Variants in OSBPL10 observed in about 807,000 individuals in gnomAD.
OSBPL10 encodes the protein oxysterol binding protein like 10, also known as oxysterol-binding protein-related protein 10.
Under a neutral mutation model 81.7 loss-of-function variants are expected in OSBPL10, and 49 were observed. The ratio of observed to expected loss-of-function variants is 0.60; its 90% CI spans 0.48 to 0.76. The LOEUF (loss-of-function observed/expected upper bound fraction) is 0.76. Ranked by LOEUF, OSBPL10 falls within the 30% of genes least tolerant of loss-of-function variation. OSBPL10 has a pLI of 0.00. For synonymous variants in OSBPL10, 419 were observed against 383.6 expected (o/e 1.09, Z -1.08); for missense variants, 923 against 987.8 (o/e 0.93, Z 0.88).
chr3:31,864,096 C>A (rs561340564), intron 3 of OSBPL10, among the ~76,000 whole-genome samples: 1 of 152,230 alleles, frequency 6.6e-6, no homozygotes, highest in African/African-American at 2.4e-5. Flanking sequence ...CCCAGGCCTC[C>A]GAGGACACAC....
At chr3:32,016,508 A>T (rs1699313978) in intron 2 of OSBPL10, among the ~76,000 whole-genome samples, 1 of 152,210 alleles carries the variant, frequency 6.6e-6, no homozygotes, top group Admixed American at 6.5e-5. Flanking sequence ...CGACAAGTTA[A>T]TGGGTGCAGC....
At chr3:32,020,761 A>G (rs1699357172) in intron 2 of OSBPL10, among the ~76,000 whole-genome samples, 1 of 152,160 alleles carries the variant, frequency 6.6e-6, no homozygotes. Flanking sequence ...CGGGTAAGCA[A>G]GAGAGCCACC....
intron 1 of OSBPL10, among the ~76,000 whole-genome samples, chr3:31,974,289 C>T (rs981000787): frequency 6.6e-6 from 1 of 152,294 alleles, no homozygotes. Flanking sequence ...ACACACAGAA[C>T]TCTCTCTACA....
intron 3 of OSBPL10, among the ~76,000 whole-genome samples, chr3:31,837,189 A>G (rs1026819590): frequency 2.6e-5 from 4 of 152,012 alleles, no homozygotes; most frequent in South Asian, 2.1e-4. Flanking sequence ...AGGAAAGCTG[A>G]TAACTGTTAC....
chr3:31,904,132 G>A (rs1176251675), intron 1 of OSBPL10, among the ~76,000 whole-genome samples: 3 of 152,226 alleles, frequency 2.0e-5, no homozygotes, highest in Non-Finnish European at 2.9e-5. Context: ...ACTCTGGACA[G>A]CTGGCTCCCT....
intron 3 of OSBPL10, among the ~76,000 whole-genome samples, chr3:31,864,609 C>T (rs112242895): frequency 0.03 from 4,578 of 151,934 alleles, 209 homozygotes; most frequent in African/African-American, 0.096. Flanking sequence ...AAGGCATTCC[C>T]AGCAAAGGAA....
At chr3:31,920,775 T>A (rs988491018) in intron 1 of OSBPL10, among the ~76,000 whole-genome samples, 31 of 152,136 alleles carry the variant, frequency 2.0e-4, no homozygotes, top group African/African-American at 7.2e-4. Context: ...GAGTTTTCAC[T>A]CTATTTATTA....
intron 6 of OSBPL10, among the ~76,000 whole-genome samples, chr3:31,705,981 T>C (rs991966994): frequency 9.9e-5 from 15 of 152,220 alleles, no homozygotes; most frequent in Middle Eastern, 3.4e-3. Flanking sequence ...GCCACAAAAA[T>C]GTATGCAAAC....
rs1396731277 is a variant in OSBPL10, at chr3:31,755,430, C to A, written c.730-7310G>T. ...AATCTTTTTGGTAATAGAATCTATTCTCCCTTTCAGGAAATTGGCAGAAGA... is the reference window on the plus strand; with the variant it reads ...AATCTTTTTGGTAATAGAATCTATTATCCCTTTCAGGAAATTGGCAGAAGA... On this transcript the variant is annotated intron_variant, in intron 4 of 11. Transcript: ENST00000396556. 2.0e-5 allele frequency among the ~76,000 whole-genome samples: 3 copies of A among 152,328 alleles called. No individual in the cohort carries two copies. The East Asian group carries it at 5.8e-4, about 29-fold the overall frequency.
At chr3:31,666,523 G>A (rs1457433593) in intron 10 of OSBPL10, among the ~76,000 whole-genome samples, 2 of 152,150 alleles carry the variant, frequency 1.3e-5, no homozygotes. Flanking sequence ...GAACACAGGT[G>A]CTCTGAGCAG....
At chr3:31,838,159 C>T (rs1700405433) in intron 3 of OSBPL10, among the ~76,000 whole-genome samples, 1 of 152,156 alleles carries the variant, frequency 6.6e-6, no homozygotes, top group Non-Finnish European at 1.5e-5. Context: ...CATACAAACA[C>T]ATACATATAT....
At chr3:31,982,638 C>A (rs911845558), upstream of OSBPL10, among the ~76,000 whole-genome samples, 12 of 145,142 alleles carry the variant, frequency 8.3e-5, no homozygotes, top group African/African-American at 3.0e-4. Flanking sequence ...ATTCCAGGTG[C>A]CTACATAGTG....
At chr3:31,774,260 G>A (rs1177836281) in intron 4 of OSBPL10, among the ~76,000 whole-genome samples, 1 of 152,156 alleles carries the variant, frequency 6.6e-6, no homozygotes, top group Non-Finnish European at 1.5e-5. Flanking sequence ...TTGTTAGAGG[G>A]AGAGTGTGAG....
At position 31,863,832 on chromosome 3, in the gene OSBPL10, A is replaced by G. The variant is rs1701113334; in HGVS notation, c.537+12601T>C. ...TATACTTGATCAAATACAAAACAAT[A>G]ATATTTAGAAAAATAAAATGTGGTA... On this transcript the variant is annotated intron_variant, in intron 3 of 11. Transcript: ENST00000396556. 3.3e-5 allele frequency among the ~76,000 whole-genome samples: 5 copies of G among 152,238 alleles called. 1 individual carries two copies. The South Asian group carries it at 1.0e-3, about 32-fold the overall frequency.
chr3:31,902,765 C>T (rs112639232), intron 1 of OSBPL10, among the ~76,000 whole-genome samples: 1 of 152,102 alleles, frequency 6.6e-6, no homozygotes, highest in Admixed American at 6.5e-5. Flanking sequence ...CAAGTTTCAC[C>T]GTGTTAGTCA....
At chr3:32,023,936 A>G (rs1699380316) in intron 2 of OSBPL10, among the ~76,000 whole-genome samples, 1 of 152,234 alleles carries the variant, frequency 6.6e-6, no homozygotes. Flanking sequence ...GCATACTATA[A>G]TAAGAATCTT....
chr3:31,877,692 G>T (rs560235371), intron 2 of OSBPL10, among the ~76,000 whole-genome samples: 1 of 152,172 alleles, frequency 6.6e-6, no homozygotes, highest in African/African-American at 2.4e-5. Context: ...GAAATCTAGA[G>T]TTACCAAATG....
At position 31,929,922 on chromosome 3, in the gene OSBPL10, C is replaced by A. The variant is rs577898865; in HGVS notation, c.282-50092G>T. ...AGTGAAGCAAGAAGATGGCTTAAAC[C>A]CAGGAGTTCAAGGCTGCTGTCAGCA... On this transcript the variant is annotated intron_variant, in intron 1 of 11. Coordinates refer to ENST00000396556, the MANE Select transcript of OSBPL10 (RefSeq NM_017784.5). Among the ~76,000 whole-genome samples, 9 of 148,052 alleles carry A rather than the reference C, an allele frequency of 6.1e-5. No homozygotes were observed. The East Asian group carries it at 1.0e-3, about 16-fold the overall frequency.
At chr3:32,005,272 A>G (rs1240477542) in intron 2 of OSBPL10, among the ~76,000 whole-genome samples, 1 of 152,086 alleles carries the variant, frequency 6.6e-6, no homozygotes, top group East Asian at 1.9e-4. Flanking sequence ...CCCATGATGC[A>G]CACGCACATC....
Sources: gnomAD v4.1 joint callset for allele counts (sites outside exome capture counted in the v4.1 genomes callset) on GRCh38, gnomAD v4.1.1 for gene constraint, MANE v1.5 for transcripts, NCBI Gene and HGNC (gene_info 2026-07-23, HGNC 2026-07-21) for gene names.